NTRK2: variants seen among roughly 807,000 people sequenced by gnomAD.
NTRK2 encodes the protein BDNF/NT-3 growth factors receptor.
Under a neutral mutation model 94.5 loss-of-function variants are expected in NTRK2, and 13 were observed. That is an observed-to-expected ratio of 0.14 (90% CI 0.09 to 0.22). The LOEUF (loss-of-function observed/expected upper bound fraction) is 0.22, where lower values mean the gene tolerates loss of function less well. Among genes scored for constraint, NTRK2 ranks in the 10% least tolerant of loss-of-function variants. The pLI is 1.00. For missense variants in NTRK2, 639 were observed against 1,071.2 expected (o/e 0.60, Z 5.63); for synonymous variants, 372 against 407.4 (o/e 0.91, Z 1.05).
chr9:84,877,945 A>C (rs2076131114), intron 14 of NTRK2: 2 of 1,011,936 alleles, frequency 2.0e-6, no homozygotes, highest in South Asian at 9.3e-5. Flanking sequence ...ACTTTTTCTT[A>C]CATAGACTTG....
rs150631800 is a variant in NTRK2 at position 84,866,072 on chromosome 9, T to A, written c.1445-1171T>A. On this transcript the variant is annotated intron_variant, in intron 13 of 18. Transcript: ENST00000277120. ...ACAAAAAATGCTATGATTATTAATTTAGTATAAAGACACCAAGTTATGACT... is the reference window on the plus strand; with the variant it reads ...ACAAAAAATGCTATGATTATTAATTAAGTATAAAGACACCAAGTTATGACT... Among the ~76,000 whole-genome samples, 9 of 152,336 alleles carry A rather than the reference T, an allele frequency of 5.9e-5. No homozygotes were observed. The East Asian group carries it at 1.7e-3, about 29-fold the overall frequency.
chr9:84,875,260 G>A (rs201429980), intron 14 of NTRK2: 5 of 1,058,720 alleles, frequency 4.7e-6, no homozygotes, highest in Non-Finnish European at 5.7e-6. Context: ...CACATTGGGT[G>A]TATTATTCCC....
In NTRK2 at chr9:84,873,228, A is replaced by G. The variant is rs77035839; in HGVS notation, c.1633+5797A>G. The stretch of plus-strand genomic sequence containing the variant: ...CCTATTAATGTTTTGTCTTTCAAAA[A>G]TATATTTTCTCCTAATTGTTTAATT... On this transcript the variant is annotated intron_variant, in intron 14 of 18. Transcript: ENST00000277120. 1.3e-3 allele frequency: 1,386 copies of G among 1,061,336 alleles called. 29 individuals carry two copies. In the Admixed American group the frequency reaches 0.04, roughly 31 times the overall value. The allele number at this position is 1,061,336 out of a possible 1,614,324, so 65.7% of individuals were successfully genotyped here. A position where few individuals can be genotyped will look rare whatever the true frequency, so the allele number is the denominator to read the frequency against.
intron 15 of NTRK2, among the ~76,000 whole-genome samples, chr9:84,940,325 A>T (rs572708077): frequency 6.6e-6 from 1 of 152,154 alleles, no homozygotes; most frequent in Non-Finnish European, 1.5e-5. Flanking sequence ...CTCACTCAAG[A>T]TCTGAGGCAG....
intron 15 of NTRK2, among the ~76,000 whole-genome samples, chr9:84,943,322 T>A (rs907464478): frequency 6.6e-6 from 1 of 152,232 alleles, no homozygotes; most frequent in African/African-American, 2.4e-5. Flanking sequence ...AACATTTTGC[T>A]GAAGCATTTC....
At chr9:84,843,448 C>T (rs1269497097) in intron 12 of NTRK2, among the ~76,000 whole-genome samples, 1 of 152,190 alleles carries the variant, frequency 6.6e-6, no homozygotes, top group African/African-American at 2.4e-5. Context: ...CTCCCAGGAC[C>T]CGACTGAGAG....
At chr9:84,830,789 G>A (rs1344951325) in intron 12 of NTRK2, among the ~76,000 whole-genome samples, 1 of 151,984 alleles carries the variant, frequency 6.6e-6, no homozygotes, top group Non-Finnish European at 1.5e-5. Context: ...TCCCTCAAGT[G>A]ATTTTTAAAA....
chr9:84,888,981 A>ATTTTTTT (rs1564435262), intron 14 of NTRK2, among the ~76,000 whole-genome samples: 1 of 82,902 alleles, frequency 1.2e-5, no homozygotes, highest in African/African-American at 6.2e-5. Flanking sequence ...TAATGACAGA[A>ATTTTTTT]ATTTTTTTTT....
chr9:84,950,974 C>T (rs2078760921), intron 16 of NTRK2, among the ~76,000 whole-genome samples: 1 of 152,220 alleles, frequency 6.6e-6, no homozygotes, highest in South Asian at 2.1e-4. Context: ...GCACAGAAAT[C>T]AGCCCCAGTA....
intron 14 of NTRK2, among the ~76,000 whole-genome samples, chr9:84,926,106 T>TTCCTTCCC (rs1564470625): frequency 6.4e-5 from 7 of 108,854 alleles, no homozygotes; most frequent in African/African-American, 2.7e-4. Flanking sequence ...CCTTCCTTCC[T>TTCCTTCCC]TTCCTTCCTT....
chr9:84,998,276 C>G (rs1829983138), intron 17 of NTRK2, among the ~76,000 whole-genome samples: 1 of 152,192 alleles, frequency 6.6e-6, no homozygotes. Context: ...TGCTCTTGCC[C>G]CACTTCAAGG....
At chr9:84,732,461 C>G (rs1003000191) in intron 9 of NTRK2, among the ~76,000 whole-genome samples, 1 of 152,158 alleles carries the variant, frequency 6.6e-6, no homozygotes, top group Non-Finnish European at 1.5e-5. Flanking sequence ...AATGAGCAAC[C>G]AGGAGTGAGC....
intron 12 of NTRK2, among the ~76,000 whole-genome samples, chr9:84,836,664 T>C (rs1444543271): frequency 6.8e-6 from 1 of 147,158 alleles, no homozygotes; most frequent in East Asian, 2.0e-4. Context: ...TGCCTTGGAT[T>C]TGGGGGATTT....
chr9:84,882,489 A>G (rs1241831024), intron 14 of NTRK2, among the ~76,000 whole-genome samples: 1 of 152,206 alleles, frequency 6.6e-6, no homozygotes, highest in East Asian at 1.9e-4. Flanking sequence ...GATGGTAGCA[A>G]GTTACCAGGC....
At chr9:84,675,346 T>TTTTTTTTTTTTTTTTTTTTA (rs2058981943) in intron 2 of NTRK2, among the ~76,000 whole-genome samples, 1 of 75,688 alleles carries the variant, frequency 1.3e-5, no homozygotes, top group Non-Finnish European at 2.7e-5. Context: ...TTTTTTTTTT[T>TTTTTTTTTTTTTTTTTTTTA]TTTTTGCCTT....
At chr9:84,873,610 C>T (rs2075955641) in intron 14 of NTRK2, 1 of 1,052,988 alleles carries the variant, frequency 9.5e-7, no homozygotes, top group Non-Finnish European at 1.1e-6. Context: ...ACTTGAGTTT[C>T]TTAAAAGAAA....
At chr9:84,723,331 C>T (rs114847318) in intron 6 of NTRK2, among the ~76,000 whole-genome samples, 309 of 152,178 alleles carry the variant, frequency 2.0e-3, no homozygotes, top group African/African-American at 6.5e-3. Flanking sequence ...AAAGGTTATT[C>T]GGCAATAATG....
At chr9:84,927,545 G>A (rs973579922) in intron 14 of NTRK2, among the ~76,000 whole-genome samples, 3 of 151,966 alleles carry the variant, frequency 2.0e-5, no homozygotes, top group African/African-American at 4.8e-5. Flanking sequence ...GTTAGAAATA[G>A]ACCTCTGATT....
intron 9 of NTRK2, among the ~76,000 whole-genome samples, chr9:84,728,218 G>C (rs368378160): frequency 6.6e-6 from 1 of 152,116 alleles, no homozygotes; most frequent in African/African-American, 2.4e-5. Flanking sequence ...CAACTGCAAC[G>C]ATGTGAGGCT....
Sources: allele counts gnomAD v4.1 joint callset (sites outside exome capture counted in the v4.1 genomes callset), GRCh38; gene constraint gnomAD v4.1.1; transcripts MANE v1.5; gene names NCBI Gene and HGNC (gene_info 2026-07-23, HGNC 2026-07-21).